The following CSMD1 variants were observed in gnomAD, a reference collection of about 807,000 sequenced individuals.
CSMD1 encodes CUB and sushi domain-containing protein 1.
A neutral mutation model predicts 417.5 loss-of-function variants in CSMD1; 213 were observed. That is an observed-to-expected ratio of 0.51 (90% CI 0.46 to 0.57). The LOEUF (loss-of-function observed/expected upper bound fraction) is 0.57, where lower values mean the gene tolerates loss of function less well. Ranked by LOEUF, CSMD1 falls within the 20% of genes least tolerant of loss-of-function variation. The pLI is 0.00. For missense variants in CSMD1, 6,923 were observed against 4,529.7 expected, an observed-to-expected ratio of 1.53 and a Z score of -15.17; for synonymous variants, 2,862 against 1,736.8, an observed-to-expected ratio of 1.65 and a Z score of -16.11.
In CSMD1 at chr8:3,396,332, C is replaced by T. The variant is rs555094554; in HGVS notation, c.2455G>A (p.Ala819Thr). 1.2e-6 allele frequency: 2 copies of T among 1,607,510 alleles called. No individual in the cohort carries two copies. The highest frequency in any genetic ancestry group is 4.5e-5 in the East Asian group (2 of 44,720). ...YDTLEVRDGPASSSPLIGEYH... is the reference protein window; with the variant it reads ...YDTLEVRDGPTSSSPLIGEYH... ...TCGCCGATCAGTGGGGACGAACTGG[C>T]TGGCCCATCTCTGACCTCCAAGGTG... Residue 819 changes from alanine (A) to threonine (T), a missense_variant, in exon 17 of 70, where the codon GCC becomes ACC. By Grantham distance (58) the Ala-to-Thr change is moderately conservative. Transcript: ENST00000635120.
chr8:3,297,065 A>G (rs892467201), intron 25 of CSMD1, among the ~76,000 whole-genome samples: 2 of 152,234 alleles, frequency 1.3e-5, no homozygotes, highest in South Asian at 4.1e-4. Context: ...ACCTGGTCAC[A>G]TATGTTTGCC....
intron 10 of CSMD1, among the ~76,000 whole-genome samples, chr8:3,536,875 G>T (rs145747270): frequency 6.6e-6 from 1 of 152,160 alleles, no homozygotes; most frequent in African/African-American, 2.4e-5. Flanking sequence ...AGAATCCCAG[G>T]TAGAGAAAAT....
At chr8:3,603,783 A>G (rs1801475652) in intron 8 of CSMD1, among the ~76,000 whole-genome samples, 2 of 152,228 alleles carry the variant, frequency 1.3e-5, no homozygotes, top group African/African-American at 4.8e-5. Flanking sequence ...TTAGTAAACT[A>G]AATTTTTTAG....
chr8:3,437,368 T>C (rs1341234946), intron 12 of CSMD1, among the ~76,000 whole-genome samples: 3 of 152,180 alleles, frequency 2.0e-5, no homozygotes, highest in Non-Finnish European at 2.9e-5. Context: ...ATAGTTTGCA[T>C]TCATATAAAA....
chr8:2,971,917 G>C (rs989327862), intron 57 of CSMD1, among the ~76,000 whole-genome samples: 2 of 152,162 alleles, frequency 1.3e-5, no homozygotes, highest in Admixed American at 1.3e-4. Flanking sequence ...AGGCAATTCA[G>C]AGTAAAAAAT....
intron 5 of CSMD1, among the ~76,000 whole-genome samples, chr8:3,890,188 T>A (rs1030951173): frequency 6.6e-6 from 1 of 152,190 alleles, no homozygotes; most frequent in Non-Finnish European, 1.5e-5. Context: ...AAGTATCATA[T>A]TCCCTAAGAA....
rs758563984 is a variant in CSMD1, at chr8:3,692,933, TA to T, written c.1009+15480del. Reference sequence around the variant, plus strand: ...CCATTCAATTATCAAAATAGAAGGGTAAAAAAAAGTGATCCTGTTTTTTTGT... The same window carrying T: ...CCATTCAATTATCAAAATAGAAGGGTAAAAAAAGTGATCCTGTTTTTTTGT... On this transcript the variant is annotated intron_variant, in intron 7 of 69. Coordinates refer to ENST00000635120, the MANE Select transcript of CSMD1 (RefSeq NM_033225.6). Among the ~76,000 whole-genome samples the T allele has an allele frequency of 8.6e-5, 13 of 152,038 alleles. No homozygotes were observed. In the East Asian group the frequency reaches 1.4e-3, roughly 16 times the overall value.
intron 7 of CSMD1, among the ~76,000 whole-genome samples, chr8:3,638,724 A>G (rs970434599): frequency 4.6e-5 from 7 of 152,216 alleles, no homozygotes; most frequent in Non-Finnish European, 1.0e-4. Flanking sequence ...GTCAGAATAC[A>G]GAATGTAGCT....
rs547743822 is a variant in CSMD1, at chr8:3,517,932, G to C, written c.1345-24206C>G. 7.9e-5 allele frequency among the ~76,000 whole-genome samples: 12 copies of C among 152,206 alleles called. No homozygotes were observed. In the East Asian group the frequency reaches 2.1e-3, roughly 27 times the overall value. On this transcript the variant is annotated intron_variant, in intron 10 of 69. Transcript: ENST00000635120. ...TCGGGGCCTCCTTCCACAGTTAATA[G>C]CTTCAACAAGTCAAATCTTCATGAA...
Position 2,963,078 on chromosome 8 carries a change from G to C in CSMD1, c.9454+144C>G, listed in dbSNP as rs552302386. ...GGAGACTCTGCCCTTAGGCAACACA[G>C]TCTCAAGTTTGAGTTTTTGTGTATT... On this transcript the variant is annotated intron_variant, in intron 60 of 69. Coordinates refer to ENST00000635120, the MANE Select transcript of CSMD1 (RefSeq NM_033225.6). The C allele has an allele frequency of 1.4e-4, 121 of 872,336 alleles. 1 individual carries two copies. The African/African-American group carries it at 1.9e-3, about 13-fold the overall frequency. 54.0% of individuals were successfully genotyped at this position (872,336 alleles called of 1,614,324 possible). A position where few individuals can be genotyped will look rare whatever the true frequency, so the allele number is the denominator to read the frequency against.
intron 3 of CSMD1, among the ~76,000 whole-genome samples, chr8:4,202,028 T>C (rs992733008): frequency 2.0e-5 from 3 of 152,216 alleles, no homozygotes; most frequent in African/African-American, 7.2e-5. Context: ...AACGAGGACA[T>C]TGGAATCTCC....
chr8:4,616,526 T>C (rs192306740), intron 2 of CSMD1, among the ~76,000 whole-genome samples: 222 of 152,294 alleles, frequency 1.5e-3, no homozygotes, highest in African/African-American at 5.3e-3. Context: ...ACAAAGACTT[T>C]CTCATTCTCT....
chr8:4,622,354 C>T (rs1455260885), intron 2 of CSMD1, among the ~76,000 whole-genome samples: 4 of 152,142 alleles, frequency 2.6e-5, no homozygotes, highest in South Asian at 2.1e-4. Flanking sequence ...CTCAACACTC[C>T]ACACAGTCCA....
intron 61 of CSMD1, among the ~76,000 whole-genome samples, chr8:2,961,505 G>C (rs938428474): frequency 6.6e-6 from 1 of 151,302 alleles, no homozygotes; most frequent in Non-Finnish European, 1.5e-5. Context: ...AATATATTTG[G>C]TCAATGATAT....
chr8:4,804,592 G>A (rs1204067597), intron 1 of CSMD1, among the ~76,000 whole-genome samples: 4 of 152,012 alleles, frequency 2.6e-5, no homozygotes, highest in Non-Finnish European at 4.4e-5. Flanking sequence ...AGGAAGGAAG[G>A]AAGGAAAGTA....
At chr8:3,246,337 G>A (rs1012803951) in intron 26 of CSMD1, among the ~76,000 whole-genome samples, 1 of 152,002 alleles carries the variant, frequency 6.6e-6, no homozygotes, top group Admixed American at 6.6e-5. Context: ...CCTTTATCTG[G>A]TCTTTGCAAA....
chr8:4,374,846 A>G (rs1489994329), intron 3 of CSMD1, among the ~76,000 whole-genome samples: 3 of 151,808 alleles, frequency 2.0e-5, no homozygotes, highest in South Asian at 2.1e-4. Flanking sequence ...GAGTGAATTT[A>G]AAGAACCTAG....
intron 1 of CSMD1, among the ~76,000 whole-genome samples, chr8:4,920,971 AAAGAAAGAAACAAAG>A (rs1337225361): frequency 4.1e-5 from 1 of 24,416 alleles, no homozygotes; most frequent in Non-Finnish European, 9.1e-5. Context: ...AGAAAGAAAG[AAAGAAAGAAACAAAG>A]AAAGAAAGAA....
chr8:3,843,637 T>C (rs932818090), intron 5 of CSMD1, among the ~76,000 whole-genome samples: 5 of 152,106 alleles, frequency 3.3e-5, no homozygotes, highest in Non-Finnish European at 1.5e-5. Context: ...TAGGATACCA[T>C]GGAATGCATT....
Sources: allele counts gnomAD v4.1 joint callset (sites outside exome capture counted in the v4.1 genomes callset), GRCh38; gene constraint gnomAD v4.1.1; transcripts MANE v1.5; gene names NCBI Gene and HGNC (gene_info 2026-07-23, HGNC 2026-07-21).